ASTN1: variants seen among roughly 807,000 people sequenced by gnomAD.
ASTN1 encodes the protein astrotactin 1.
In ASTN1, 41 loss-of-function variants were observed where a neutral mutation model predicts 140.7. The ratio of observed to expected loss-of-function variants is 0.29; its 90% CI spans 0.23 to 0.38. The LOEUF (loss-of-function observed/expected upper bound fraction) is 0.38. ASTN1 is among the 10% of genes least tolerant of loss of function. The pLI is 1.00. For missense variants in ASTN1, 1,479 were observed against 1,678.8 expected (o/e 0.88, Z 2.08); for synonymous variants, 640 against 652.2 (o/e 0.98, Z 0.29).
chr1:177,113,299 C>A (rs1242419336), intron 1 of ASTN1, among the ~76,000 whole-genome samples: 2 of 152,338 alleles, frequency 1.3e-5, no homozygotes, highest in East Asian at 3.9e-4. Context: ...GTCCCCCCAA[C>A]CCCCAGAACA....
At chr1:176,898,365 G>T (rs1340504857) in intron 16 of ASTN1, among the ~76,000 whole-genome samples, 1 of 152,182 alleles carries the variant, frequency 6.6e-6, no homozygotes, top group Non-Finnish European at 1.5e-5. Flanking sequence ...GAGAGGAGCT[G>T]GATTTGCACA....
intron 1 of ASTN1, among the ~76,000 whole-genome samples, chr1:177,114,704 CAT>C (rs372368703): frequency 1.3e-5 from 2 of 152,124 alleles, no homozygotes; most frequent in South Asian, 2.1e-4. Flanking sequence ...AATTTTATCA[CAT>C]GTGTAGGCTT....
intron 1 of ASTN1, among the ~76,000 whole-genome samples, chr1:177,133,627 C>T (rs1243429632): frequency 2.0e-5 from 3 of 152,148 alleles, no homozygotes; most frequent in Non-Finnish European, 4.4e-5. Flanking sequence ...CATTATTTTA[C>T]CTATAGTCCT....
Position 177,049,488 on chromosome 1 carries a change from C to T in ASTN1, c.471+11590G>A, listed in dbSNP as rs138572503. Among the ~76,000 whole-genome samples, 8 of 152,144 alleles carry T rather than the reference C, an allele frequency of 5.3e-5. No individual in the cohort carries two copies. The East Asian group carries it at 1.2e-3, about 22-fold the overall frequency. ...TAAAAATATGCCAATAAAACATGAACGCCAAAGTTTTGAGAACACTTATCT... is the reference window on the plus strand; with the variant it reads ...TAAAAATATGCCAATAAAACATGAATGCCAAAGTTTTGAGAACACTTATCT... On this transcript the variant is annotated intron_variant, in intron 2 of 22. Coordinates refer to ENST00000361833, the MANE Select transcript of ASTN1 (RefSeq NM_004319.3).
chr1:177,131,331 C>T (rs1571829099), intron 1 of ASTN1, among the ~76,000 whole-genome samples: 1 of 152,168 alleles, frequency 6.6e-6, no homozygotes, highest in East Asian at 1.9e-4. Context: ...ATGTTCACTG[C>T]AGCATTAGGT....
At chr1:176,985,052 T>C (rs984555948) in intron 8 of ASTN1, among the ~76,000 whole-genome samples, 2 of 152,196 alleles carry the variant, frequency 1.3e-5, no homozygotes, top group African/African-American at 4.8e-5. Context: ...ACTTTGTGCC[T>C]TCATGTCCCA....
At chr1:177,107,556 G>C (rs1210404076) in intron 1 of ASTN1, among the ~76,000 whole-genome samples, 3 of 152,136 alleles carry the variant, frequency 2.0e-5, no homozygotes, top group Non-Finnish European at 2.9e-5. Flanking sequence ...CTTCTGACTG[G>C]GTTCCCAGGA....
chr1:176,886,616 CTG>C (rs1337626659), intron 18 of ASTN1, among the ~76,000 whole-genome samples: 1 of 152,242 alleles, frequency 6.6e-6, no homozygotes, highest in Non-Finnish European at 1.5e-5. Flanking sequence ...AGAAGACAGA[CTG>C]TGGACAAGAG....
intron 8 of ASTN1, among the ~76,000 whole-genome samples, chr1:176,980,235 C>T (rs1291883412): frequency 6.6e-6 from 1 of 151,904 alleles, no homozygotes; most frequent in Non-Finnish European, 1.5e-5. Context: ...AGGGGGTGAA[C>T]AAGAGGAGAG....
chr1:177,135,341 T>C (rs994321815), intron 1 of ASTN1, among the ~76,000 whole-genome samples: 1 of 150,712 alleles, frequency 6.6e-6, no homozygotes, highest in African/African-American at 2.4e-5. Flanking sequence ...ATCCAGCCAA[T>C]ACCCCACCAA....
intron 1 of ASTN1, 50 bp downstream of exon 1, chr1:177,164,344 G>C: frequency 6.8e-7 from 1 of 1,465,530 alleles, no homozygotes; most frequent in Non-Finnish European, 9.1e-7. Flanking sequence ...GTGGGGGGTG[G>C]GGGCGCCGGT....
intron 1 of ASTN1, among the ~76,000 whole-genome samples, chr1:177,090,820 G>T (rs1272343414): frequency 6.6e-6 from 1 of 151,870 alleles, no homozygotes; most frequent in South Asian, 2.1e-4. Flanking sequence ...CAACTCCCAA[G>T]GCTCCCACAT....
At chr1:176,969,161 C>T (rs1038409678) in intron 8 of ASTN1, among the ~76,000 whole-genome samples, 27 of 152,158 alleles carry the variant, frequency 1.8e-4, no homozygotes, top group Admixed American at 1.2e-3. Flanking sequence ...CCCGCCTCCC[C>T]GCCAAAAAAA....
rs1363475401 is a variant in ASTN1, at chr1:176,979,733, G to A, written c.1524-14496C>T. On this transcript the variant is annotated intron_variant, in intron 8 of 22. Transcript: ENST00000361833. Reference sequence around the variant, plus strand: ...AAAAAACAAAGCCAAACTGTTTAATGAATGATTCTGGTGATTATAAGTTAG... The same window carrying A: ...AAAAAACAAAGCCAAACTGTTTAATAAATGATTCTGGTGATTATAAGTTAG... 2.0e-5 allele frequency among the ~76,000 whole-genome samples: 3 copies of A among 152,234 alleles called. No individual in the cohort carries two copies. In the East Asian group the frequency reaches 5.8e-4, roughly 29 times the overall value.
At chr1:177,005,301 C>T (rs1383194826) in intron 8 of ASTN1, among the ~76,000 whole-genome samples, 1 of 152,010 alleles carries the variant, frequency 6.6e-6, no homozygotes, top group Non-Finnish European at 1.5e-5. Flanking sequence ...ACAAGAATGG[C>T]CATTATTAAA....
chr1:176,948,350 C>T (rs577546798), intron 12 of ASTN1, among the ~76,000 whole-genome samples: 2 of 152,162 alleles, frequency 1.3e-5, no homozygotes, highest in African/African-American at 4.8e-5. Flanking sequence ...CTAACTATGG[C>T]TGTAGAAGAA....
At chr1:176,877,862 A>T (rs1668627107) in intron 20 of ASTN1, among the ~76,000 whole-genome samples, 1 of 152,214 alleles carries the variant, frequency 6.6e-6, no homozygotes, top group Non-Finnish European at 1.5e-5. Context: ...ACAGTGGTCC[A>T]GTTAAATGTC....
intron 17 of ASTN1, among the ~76,000 whole-genome samples, chr1:176,891,613 G>A (rs533356744): frequency 6.6e-6 from 1 of 152,266 alleles, no homozygotes; most frequent in Non-Finnish European, 1.5e-5. Context: ...GACCAACATG[G>A]AGAAACCCCA....
At chr1:176,922,527 T>C (rs1216863149) in intron 16 of ASTN1, among the ~76,000 whole-genome samples, 1 of 136,754 alleles carries the variant, frequency 7.3e-6, no homozygotes, top group Non-Finnish European at 1.5e-5. Context: ...GACAGCACAT[T>C]CTTACAGTGT....
Sources: allele counts gnomAD v4.1 joint callset (sites outside exome capture counted in the v4.1 genomes callset), GRCh38; gene constraint gnomAD v4.1.1; transcripts MANE v1.5; gene names NCBI Gene and HGNC (gene_info 2026-07-23, HGNC 2026-07-21).